The following GNAQ variants were observed in gnomAD, a reference collection of about 807,000 sequenced individuals.
The protein encoded by GNAQ is G protein subunit alpha q.
In GNAQ, 8 loss-of-function variants were observed where a neutral mutation model predicts 43.9. The observed-to-expected ratio is 0.18, with a 90% CI of 0.11 to 0.33. GNAQ has a LOEUF of 0.33. GNAQ is among the 10% of genes least tolerant of loss of function. The pLI, the probability that GNAQ is intolerant of heterozygous loss-of-function variation, is 1.00. For missense variants in GNAQ, 158 were observed against 450.8 expected (o/e 0.35, Z 5.88); for synonymous variants, 155 against 170.7 (o/e 0.91, Z 0.71).
At chr9:77,721,606 T>C (rs954500251) in intron 6 of GNAQ, 93 bp from the exon 7 acceptor site, 2 of 778,982 alleles carry the variant, frequency 2.6e-6, no homozygotes, top group East Asian at 2.4e-5. Flanking sequence ...TCATTGCTCA[T>C]GAAGCCTACA....
intron 2 of GNAQ, among the ~76,000 whole-genome samples, chr9:77,821,452 T>C (rs541149992): frequency 2.4e-4 from 36 of 152,308 alleles, no homozygotes; most frequent in African/African-American, 8.7e-4. Context: ...TATTCTTCTA[T>C]TTGGTTCTTT....
intron 2 of GNAQ, among the ~76,000 whole-genome samples, chr9:77,917,498 C>T (rs1053369191): frequency 3.3e-5 from 5 of 151,442 alleles, no homozygotes; most frequent in Non-Finnish European, 2.9e-5. Context: ...CACATGTGCC[C>T]CTGAACCTAA....
intron 2 of GNAQ, among the ~76,000 whole-genome samples, chr9:77,854,062 A>G (rs1827715098): frequency 6.6e-6 from 1 of 152,184 alleles, no homozygotes; most frequent in Admixed American, 6.6e-5. Context: ...ATATAGATCC[A>G]TTATTTCATA....
chr9:77,738,906 A>G (rs1194872053), intron 5 of GNAQ, among the ~76,000 whole-genome samples: 1 of 151,942 alleles, frequency 6.6e-6, no homozygotes, highest in African/African-American at 2.4e-5. Flanking sequence ...CTTAAGTTAT[A>G]GTGGGCTTAA....
At chr9:77,924,946 C>T (rs1295578537) in intron 1 of GNAQ, among the ~76,000 whole-genome samples, 1 of 151,776 alleles carries the variant, frequency 6.6e-6, no homozygotes, top group Non-Finnish European at 1.5e-5. Flanking sequence ...AAGAGGAAAC[C>T]AGAGAGCGGG....
At chr9:77,974,623 T>G (rs1823276380) in intron 1 of GNAQ, among the ~76,000 whole-genome samples, 1 of 152,140 alleles carries the variant, frequency 6.6e-6, no homozygotes, top group Non-Finnish European at 1.5e-5. Context: ...GGGAGGATAA[T>G]GGCCTGCACT....
chr9:78,022,779 A>G (rs1823926853), intron 1 of GNAQ, among the ~76,000 whole-genome samples: 1 of 152,262 alleles, frequency 6.6e-6, no homozygotes, highest in Admixed American at 6.5e-5. Context: ...AACGCATACT[A>G]TAATGAAGGA....
chr9:77,758,940 G>C (rs1825946745), intron 5 of GNAQ, among the ~76,000 whole-genome samples: 1 of 152,070 alleles, frequency 6.6e-6, no homozygotes, highest in Non-Finnish European at 1.5e-5. Flanking sequence ...AGAGTCTGCT[G>C]TATGTTTAAA....
chr9:77,954,230 G>A (rs1306439711), intron 1 of GNAQ, among the ~76,000 whole-genome samples: 1 of 152,178 alleles, frequency 6.6e-6, no homozygotes, highest in Non-Finnish European at 1.5e-5. Flanking sequence ...TGACTATGCG[G>A]TCTGGAATAT....
At chr9:77,736,010 C>A (rs1587889969) in intron 5 of GNAQ, among the ~76,000 whole-genome samples, 1 of 152,204 alleles carries the variant, frequency 6.6e-6, no homozygotes, top group Admixed American at 6.5e-5. Context: ...AAAATTGCTA[C>A]ATAAGAACCT....
At chr9:77,902,296 T>C (rs1161610788) in intron 2 of GNAQ, among the ~76,000 whole-genome samples, 5 of 152,224 alleles carry the variant, frequency 3.3e-5, no homozygotes, top group African/African-American at 4.8e-5. Flanking sequence ...TTTCCAAATA[T>C]TTCATCTGAT....
intron 3 of GNAQ, among the ~76,000 whole-genome samples, chr9:77,809,287 T>G (rs750417894): frequency 1.8e-4 from 27 of 152,174 alleles, no homozygotes; most frequent in Non-Finnish European, 2.6e-4. Context: ...TAGAAATTAT[T>G]TGGTCTCTTA....
intron 5 of GNAQ, among the ~76,000 whole-genome samples, chr9:77,760,756 A>G (rs1297294975): frequency 6.7e-6 from 1 of 148,286 alleles, no homozygotes; most frequent in Non-Finnish European, 1.5e-5. Context: ...CCATCTAGGA[A>G]GTGAGGAGCG....
chr9:77,825,287 A>C (rs1827175271), intron 2 of GNAQ, among the ~76,000 whole-genome samples: 1 of 152,160 alleles, frequency 6.6e-6, no homozygotes, highest in Admixed American at 6.5e-5. Flanking sequence ...TTTATACCAA[A>C]CAATAAATGA....
In GNAQ at chr9:77,956,800, C is replaced by T. The variant is rs73457773; in HGVS notation, c.137-34455G>A. Among the ~76,000 whole-genome samples the T allele has an allele frequency of 2.2e-3, 333 of 152,240 alleles. 1 individual carries two copies. Among genetic ancestry groups the T allele is most frequent in the African/African-American group, 7.6e-3 (314 of 41,538 alleles). On this transcript the variant is annotated intron_variant, in intron 1 of 6. Coordinates refer to ENST00000286548, the MANE Select transcript of GNAQ (RefSeq NM_002072.5). ...GAATGAGAGCCCTTCCTGTGCACTG[C>T]GGGGCTCCAGGGACACACTGTCTCT... is the stretch of plus-strand genomic sequence containing the variant.
intron 5 of GNAQ, among the ~76,000 whole-genome samples, chr9:77,742,998 G>A (rs1248274462): frequency 6.6e-6 from 1 of 152,170 alleles, no homozygotes; most frequent in Non-Finnish European, 1.5e-5. Flanking sequence ...CGTGGCTCAC[G>A]CCTGTAATCC....
At chr9:77,836,805 T>C (rs1209666615) in intron 2 of GNAQ, among the ~76,000 whole-genome samples, 2 of 152,200 alleles carry the variant, frequency 1.3e-5, no homozygotes, top group African/African-American at 4.8e-5. Context: ...AAATCCTATA[T>C]CTATACATCT....
chr9:77,790,773 C>A (rs957879686), intron 5 of GNAQ, among the ~76,000 whole-genome samples: 2 of 152,158 alleles, frequency 1.3e-5, no homozygotes, highest in Non-Finnish European at 2.9e-5. Flanking sequence ...GGCAGGGGAC[C>A]TGGCCTTCAG....
At chr9:77,954,775 G>C (rs1174541469) in intron 1 of GNAQ, among the ~76,000 whole-genome samples, 1 of 152,132 alleles carries the variant, frequency 6.6e-6, no homozygotes, top group African/African-American at 2.4e-5. Flanking sequence ...CTAATGGCCT[G>C]GCAAAAGGGT....
Sources: allele counts gnomAD v4.1 joint callset (sites outside exome capture counted in the v4.1 genomes callset), GRCh38; gene constraint gnomAD v4.1.1; transcripts MANE v1.5; gene names NCBI Gene and HGNC (gene_info 2026-07-23, HGNC 2026-07-21).